The following HMGB1 variants were observed in gnomAD, a reference collection of about 807,000 sequenced individuals.
The protein encoded by HMGB1 is high mobility group box 1.
For synonymous variants in HMGB1, 81 were observed against 84.0 expected (o/e 0.96, Z 0.19); for missense variants, 79 against 253.5 (o/e 0.31, Z 4.67).
At chr13:30,535,243 T>C (rs1868380352) in intron 1 of HMGB1, among the ~76,000 whole-genome samples, 1 of 152,226 alleles carries the variant, frequency 6.6e-6, no homozygotes, top group Admixed American at 6.5e-5. Flanking sequence ...AGCTGTGCTT[T>C]GCCAGTACTT....
chr13:30,462,776 G>A (rs1326025973), intron 3 of HMGB1, 64 bp from the exon 4 acceptor site: 19 of 1,336,066 alleles, frequency 1.4e-5, no homozygotes, highest in Non-Finnish European at 2.0e-5. Context: ...ACTATCAAGT[G>A]TACACTGCAT....
chr13:30,569,270 A>T (rs1394118467), intron 1 of HMGB1, among the ~76,000 whole-genome samples: 1 of 152,222 alleles, frequency 6.6e-6, no homozygotes, highest in Admixed American at 6.5e-5. Flanking sequence ...TGATTATAAA[A>T]GTGCTCGGAC....
intron 1 of HMGB1, among the ~76,000 whole-genome samples, chr13:30,525,857 G>GC (rs1555237434): frequency 1.3e-5 from 2 of 150,712 alleles, no homozygotes; most frequent in Non-Finnish European, 1.5e-5. Flanking sequence ...ATGAGATTGT[G>GC]GGGGGACACA....
At chr13:30,567,787 A>G (rs1228734884) in intron 1 of HMGB1, among the ~76,000 whole-genome samples, 1 of 151,960 alleles carries the variant, frequency 6.6e-6, no homozygotes, top group Non-Finnish European at 1.5e-5. Flanking sequence ...TTGTTAGAAC[A>G]CTCCATCACG....
intron 1 of HMGB1, chr13:30,554,011 G>A (rs1566023488): frequency 2.7e-6 from 4 of 1,481,454 alleles, no homozygotes; most frequent in South Asian, 1.1e-5. Context: ...GTGCTGAACC[G>A]CATTGTGGAG....
At chr13:30,495,923 G>C (rs951881060) in intron 1 of HMGB1, among the ~76,000 whole-genome samples, 1 of 152,174 alleles carries the variant, frequency 6.6e-6, no homozygotes, top group African/African-American at 2.4e-5. Context: ...CAGTTGGTCA[G>C]TGTCCTTATC....
chr13:30,510,213 C>A (rs918936852), intron 1 of HMGB1, among the ~76,000 whole-genome samples: 1 of 152,200 alleles, frequency 6.6e-6, no homozygotes, highest in Admixed American at 6.5e-5. Flanking sequence ...ATATCCTCAA[C>A]AAGTATTTGT....
In HMGB1 at chr13:30,559,722, T is replaced by C. The variant is rs1055909856; in HGVS notation, c.-15+56949A>G. Among the ~76,000 whole-genome samples, 21 of 152,168 alleles carry C rather than the reference T, an allele frequency of 1.4e-4. No individual in the cohort carries two copies. The highest frequency in any genetic ancestry group is 4.6e-4 in the African/African-American group (19 of 41,436). Reference sequence around the variant, plus strand: ...ACTGAACTCAAGATTTACAAAAATGTATTTCAGCCCAAGTCTCTCCATAAC... The same window carrying C: ...ACTGAACTCAAGATTTACAAAAATGCATTTCAGCCCAAGTCTCTCCATAAC... On this transcript the variant is annotated intron_variant, in intron 1 of 4. Transcript: ENST00000405805. This position sits in a 1 kb window ranked among gnomAD's most constrained non-coding sequence, Gnocchi z 6.6.
At chr13:30,462,154 AAAG>A (rs1012407984) in intron 4 of HMGB1, among the ~76,000 whole-genome samples, 1 of 152,232 alleles carries the variant, frequency 6.6e-6, no homozygotes, top group African/African-American at 2.4e-5. Context: ...ATCTAAAGGA[AAAG>A]AACATAAATG....
intron 1 of HMGB1, among the ~76,000 whole-genome samples, chr13:30,527,043 G>A (rs373477475): frequency 6.6e-6 from 1 of 152,220 alleles, no homozygotes; most frequent in African/African-American, 2.4e-5. Context: ...CGGAGGGGCC[G>A]AGCCCGCCTT....
chr13:30,613,732 C>G (rs1327648270), intron 1 of HMGB1, among the ~76,000 whole-genome samples: 1 of 152,064 alleles, frequency 6.6e-6, no homozygotes, highest in South Asian at 2.1e-4. Context: ...TTAGAGTCAA[C>G]AGGGTGTTGA....
At chr13:30,565,752 G>A (rs1277106536) in intron 1 of HMGB1, among the ~76,000 whole-genome samples, 1 of 152,202 alleles carries the variant, frequency 6.6e-6, no homozygotes, top group Admixed American at 6.5e-5. Flanking sequence ...CTGCCTAGGA[G>A]TGCTTCTCAT....
At chr13:30,486,007 T>G (rs1566002767) in intron 1 of HMGB1, among the ~76,000 whole-genome samples, 1 of 152,226 alleles carries the variant, frequency 6.6e-6, no homozygotes, top group Non-Finnish European at 1.5e-5. Context: ...CTATTCATGC[T>G]TTTTCTATTA....
chr13:30,551,414 C>T (rs1440546844), intron 1 of HMGB1, among the ~76,000 whole-genome samples: 1 of 152,234 alleles, frequency 6.6e-6, no homozygotes, highest in Non-Finnish European at 1.5e-5. Context: ...AAGCTGTCTT[C>T]ACTTTATCTT....
intron 1 of HMGB1, among the ~76,000 whole-genome samples, chr13:30,586,171 A>T (rs1247918953): frequency 6.6e-6 from 1 of 151,844 alleles, no homozygotes; most frequent in African/African-American, 2.4e-5. Flanking sequence ...AGTTCAAGAG[A>T]TCCTTCTACC....
At chr13:30,505,440 A>G (rs1254180873) in intron 1 of HMGB1, among the ~76,000 whole-genome samples, 1 of 151,988 alleles carries the variant, frequency 6.6e-6, no homozygotes, top group African/African-American at 2.4e-5. Context: ...GACCTCCCAA[A>G]GTGCTGGGAT....
chr13:30,579,573 A>G (rs1438128236), intron 1 of HMGB1, among the ~76,000 whole-genome samples: 1 of 152,214 alleles, frequency 6.6e-6, no homozygotes, highest in Non-Finnish European at 1.5e-5. Flanking sequence ...TTCATATCAT[A>G]GCTTGCTCTG....
intron 1 of HMGB1, among the ~76,000 whole-genome samples, chr13:30,488,649 TTATTATTATTA>T (rs1566003550): frequency 0.023 from 45 of 1,916 alleles, no homozygotes; most frequent in South Asian, 0.05. Context: ...TTTAATTTTA[TTATTATTATTA>T]TTATTATTAT....
intron 1 of HMGB1, among the ~76,000 whole-genome samples, chr13:30,471,410 C>T (rs565881580): frequency 7.9e-5 from 12 of 151,882 alleles, no homozygotes; most frequent in Non-Finnish European, 1.3e-4. Flanking sequence ...TGCAGTGGCG[C>T]GATCTCGGCT....
Sources: gnomAD v4.1 joint callset for allele counts (sites outside exome capture counted in the v4.1 genomes callset) on GRCh38, gnomAD v4.1.1 for gene constraint, Gnocchi (gnomAD v3.1) non-coding constraint, MANE v1.5 for transcripts, NCBI Gene and HGNC (gene_info 2026-07-23, HGNC 2026-07-21) for gene names.